Variants in GBE1 observed in about 807,000 individuals in gnomAD.
GBE1 encodes 1,4-alpha-glucan-branching enzyme.
A neutral mutation model predicts 88.8 loss-of-function variants in GBE1; 70 were observed. That is an observed-to-expected ratio of 0.79 (90% CI 0.65 to 0.96). The LOEUF is 0.96. Among genes scored for constraint, GBE1 ranks in the 40% least tolerant of loss-of-function variants. The pLI, the probability that GBE1 is intolerant of heterozygous loss-of-function variation, is 0.00. For missense variants in GBE1, 872 were observed against 871.0 expected, an observed-to-expected ratio of 1.00 and a Z score of -0.01; for synonymous variants, 284 against 300.1, an observed-to-expected ratio of 0.95 and a Z score of 0.56.
At chr3:81,722,913 T>C (rs1310516403) in intron 1 of GBE1, among the ~76,000 whole-genome samples, 1 of 144,646 alleles carries the variant, frequency 6.9e-6, no homozygotes, top group African/African-American at 2.5e-5. Flanking sequence ...TATATATATA[T>C]ATACACACAA....
chr3:81,653,481 G>A (rs1477115197), intron 3 of GBE1, among the ~76,000 whole-genome samples: 1 of 151,292 alleles, frequency 6.6e-6, no homozygotes, highest in African/African-American at 2.4e-5. Context: ...GAAAGACCCT[G>A]TCTACAAAAA....
At chr3:81,613,053 G>T in intron 7 of GBE1, 1 of 690,876 alleles carries the variant, frequency 1.4e-6, no homozygotes, top group Non-Finnish European at 2.1e-6. Context: ...GGAGGAAAGA[G>T]AGGAGGATGA....
At chr3:81,490,549 T>G in intron 15 of GBE1, 86 bp from the exon 16 acceptor site, 1 of 1,047,064 alleles carries the variant, frequency 9.6e-7, no homozygotes, top group Non-Finnish European at 1.5e-6. Context: ...CATGACGCAG[T>G]CTCACATCTG....
chr3:81,505,727 G>A (rs1473090041), intron 14 of GBE1, among the ~76,000 whole-genome samples: 4 of 152,050 alleles, frequency 2.6e-5, no homozygotes, highest in Non-Finnish European at 5.9e-5. Flanking sequence ...GTGTGGTGGA[G>A]GGGTGTCGTG....
At chr3:81,685,261 A>G (rs1001673799) in intron 2 of GBE1, among the ~76,000 whole-genome samples, 8 of 152,162 alleles carry the variant, frequency 5.3e-5, no homozygotes, top group African/African-American at 1.4e-4. Context: ...CTATGCACTG[A>G]TAAGTGCAGG....
At chr3:81,634,943 A>G (rs751333838) in intron 7 of GBE1, among the ~76,000 whole-genome samples, 1 of 152,128 alleles carries the variant, frequency 6.6e-6, no homozygotes, top group Non-Finnish European at 1.5e-5. Context: ...GACAGTAACC[A>G]TCATGAATAT....
chr3:81,714,997 T>C (rs1029802014), intron 1 of GBE1, among the ~76,000 whole-genome samples: 1 of 152,124 alleles, frequency 6.6e-6, no homozygotes, highest in Non-Finnish European at 1.5e-5. Flanking sequence ...CCAAATATCA[T>C]CACATGATGG....
intron 7 of GBE1, among the ~76,000 whole-genome samples, chr3:81,617,543 C>G (rs1704264873): frequency 6.6e-6 from 1 of 151,850 alleles, no homozygotes; most frequent in Non-Finnish European, 1.5e-5. Flanking sequence ...AAATACAAAA[C>G]AAGCTTAATA....
intron 1 of GBE1, among the ~76,000 whole-genome samples, chr3:81,728,288 A>T (rs1048963491): frequency 2.6e-4 from 39 of 152,296 alleles, no homozygotes; most frequent in African/African-American, 9.1e-4. Context: ...CTGTAAAAGG[A>T]AATACAAAAA....
At chr3:81,720,083 A>G (rs1706001267) in intron 1 of GBE1, among the ~76,000 whole-genome samples, 1 of 152,114 alleles carries the variant, frequency 6.6e-6, no homozygotes, top group Admixed American at 6.5e-5. Flanking sequence ...TGGACTAAAT[A>G]GCAGTGAAAT....
intron 7 of GBE1, among the ~76,000 whole-genome samples, chr3:81,597,578 A>T (rs951555342): frequency 2.7e-5 from 4 of 150,504 alleles, no homozygotes; most frequent in African/African-American, 9.7e-5. Context: ...TAAAGTAATT[A>T]ACACATATAT....
At chr3:81,716,063 T>C (rs2107183364) in intron 1 of GBE1, among the ~76,000 whole-genome samples, 1 of 152,302 alleles carries the variant, frequency 6.6e-6, no homozygotes, top group East Asian at 1.9e-4. Flanking sequence ...ATTCATATTG[T>C]ACCATCTCTA....
At chr3:81,526,048 C>G (rs919250831) in intron 14 of GBE1, among the ~76,000 whole-genome samples, 4 of 151,952 alleles carry the variant, frequency 2.6e-5, no homozygotes, top group African/African-American at 9.7e-5. Flanking sequence ...CAGCTCTGAT[C>G]ATAGTTATTT....
intron 14 of GBE1, among the ~76,000 whole-genome samples, chr3:81,527,049 C>T (rs1329878903): frequency 6.6e-6 from 1 of 151,924 alleles, no homozygotes; most frequent in Non-Finnish European, 1.5e-5. Flanking sequence ...AGAACAGAGC[C>T]CTCAGAAATA....
intron 7 of GBE1, among the ~76,000 whole-genome samples, chr3:81,617,368 T>C (rs1229915781): frequency 1.3e-5 from 2 of 151,962 alleles, no homozygotes; most frequent in African/African-American, 4.8e-5. Flanking sequence ...CACATTTCAG[T>C]TTTTAACAGA....
intron 14 of GBE1, among the ~76,000 whole-genome samples, chr3:81,519,246 A>G (rs759988039): frequency 1.3e-5 from 2 of 151,568 alleles, no homozygotes; most frequent in African/African-American, 2.4e-5. Flanking sequence ...ATGAATTTAC[A>G]TTTTAAAAAG....
intron 15 of GBE1, among the ~76,000 whole-genome samples, chr3:81,495,127 G>A (rs1367831747): frequency 6.6e-6 from 1 of 152,132 alleles, no homozygotes; most frequent in East Asian, 1.9e-4. Context: ...AGTGGCTCAC[G>A]CCTGTAATCC....
intron 14 of GBE1, among the ~76,000 whole-genome samples, chr3:81,533,360 T>A (rs1388320532): frequency 6.6e-6 from 1 of 152,082 alleles, no homozygotes; most frequent in East Asian, 1.9e-4. Flanking sequence ...TCTGTAGGCA[T>A]AAAGAGACAG....
intron 12 of GBE1, among the ~76,000 whole-genome samples, chr3:81,554,890 A>G (rs755210079): frequency 6.6e-6 from 1 of 152,164 alleles, no homozygotes; most frequent in East Asian, 1.9e-4. Context: ...CTACCTGCTT[A>G]TAACTTAATC....
Sources: allele counts gnomAD v4.1 joint callset (sites outside exome capture counted in the v4.1 genomes callset), GRCh38; gene constraint gnomAD v4.1.1; transcripts MANE v1.5; gene names NCBI Gene and HGNC (gene_info 2026-07-23, HGNC 2026-07-21).